COX6B1: variants seen among roughly 807,000 people sequenced by gnomAD.
The protein encoded by COX6B1 is COX VIb-1.
Under a neutral mutation model 14.0 loss-of-function variants are expected in COX6B1, and 2 were observed. That is an observed-to-expected ratio of 0.14 (90% CI 0.06 to 0.45). The LOEUF is 0.45. Ranked by LOEUF, COX6B1 falls within the 20% of genes least tolerant of loss-of-function variation. The probability of loss-of-function intolerance (pLI) is 0.98; values close to 1 mark genes in which losing one functional copy is unlikely to be tolerated. For missense variants in COX6B1, 81 were observed against 114.2 expected (o/e 0.71, Z 1.33); for synonymous variants, 30 against 39.7 (o/e 0.76, Z 0.92).
chr19:35,654,929 TACAC>T (rs1371450042), intron 3 of COX6B1, among the ~76,000 whole-genome samples: 4 of 152,124 alleles, frequency 2.6e-5, no homozygotes, highest in African/African-American at 9.7e-5. Flanking sequence ...ACTCTCCAAA[TACAC>T]ACTCAGCACT....
rs528706280 is a variant in COX6B1 at position 35,653,924 on chromosome 19, G to A, written c.107-647G>A. Reference sequence around the variant, plus strand: ...TCACCATGTTGTCCAGGCTGGTCTCGAACTCCTACCCTCAAGTGATCCACC... The same window carrying A: ...TCACCATGTTGTCCAGGCTGGTCTCAAACTCCTACCCTCAAGTGATCCACC... On this transcript the variant is annotated intron_variant, in intron 2 of 3. Coordinates refer to ENST00000649813, the MANE Select transcript of COX6B1 (RefSeq NM_001863.5). Among the ~76,000 whole-genome samples the A allele has an allele frequency of 2.6e-5, 4 of 151,252 alleles. No individual in the cohort carries two copies. The South Asian group carries it at 8.3e-4, about 32-fold the overall frequency.
intron 1 of COX6B1, chr19:35,648,815 G>C: frequency 1.9e-6 from 1 of 532,624 alleles, no homozygotes; most frequent in Non-Finnish European, 3.9e-6. Context: ...TGGCTCCCGG[G>C]TGTCCAGTCC....
At position 35,654,459 on chromosome 19, in the gene COX6B1, G is replaced by A. The variant is rs1967865292; in HGVS notation, c.107-112G>A. 4 of 861,942 alleles carry A rather than the reference G, an allele frequency of 4.6e-6. No individual in the cohort carries two copies. The East Asian group carries it at 9.9e-5, about 21-fold the overall frequency. The allele number at this position is 861,942 out of a possible 1,614,324, so 53.4% of individuals were successfully genotyped here. On this transcript the variant is annotated intron_variant, in intron 2 of 3. Coordinates refer to ENST00000649813, the MANE Select transcript of COX6B1 (RefSeq NM_001863.5). ...GGAGGTAGAGGTTGCAGTGAGCTGAGATCGCACCACTGCACTCCAGCCTGA... is the reference window on the plus strand; with the variant it reads ...GGAGGTAGAGGTTGCAGTGAGCTGAAATCGCACCACTGCACTCCAGCCTGA...
chr19:35,650,817 G>A (rs991226846), intron 1 of COX6B1, among the ~76,000 whole-genome samples: 7 of 151,682 alleles, frequency 4.6e-5, no homozygotes, highest in African/African-American at 7.3e-5. Flanking sequence ...TGCCAACAAC[G>A]GAGGCAGCCC....
chr19:35,657,538 C>A (rs371551096), intron 3 of COX6B1, among the ~76,000 whole-genome samples: 1 of 151,342 alleles, frequency 6.6e-6, no homozygotes, highest in Non-Finnish European at 1.5e-5. Context: ...AAAATGTGAG[C>A]GTGTATGTAT....
rs766303037 is a variant in COX6B1, at chr19:35,654,612, G to T, written c.148G>T (p.Asp50Tyr). ...CQKAMTAKGG[D>Y]ISVCEWYQRV... ...GAAGGCAATGACCGCTAAAGGAGGC[G>T]ATATCTCTGTGTGCGAATGGTACCA... Residue 50 changes from aspartate (D) to tyrosine (Y), a missense_variant, in exon 3 of 4, where the codon GAT becomes TAT. Physicochemically the swap from Asp to Tyr is radical, Grantham distance 160. Coordinates refer to ENST00000649813, the MANE Select transcript of COX6B1 (RefSeq NM_001863.5). 6.2e-7 allele frequency: 1 copy of T among 1,614,134 alleles called. No homozygotes were observed. Among genetic ancestry groups the T allele is most frequent in the Admixed American group, 1.7e-5 (1 of 60,012 alleles).
chr19:35,654,122 G>C (rs537654784), intron 2 of COX6B1, among the ~76,000 whole-genome samples: 36 of 152,312 alleles, frequency 2.4e-4, no homozygotes, highest in African/African-American at 6.5e-4. Context: ...CATATAGCTT[G>C]CTCATTTTCA....
chr19:35,650,085 C>T (rs1171071485), intron 1 of COX6B1, among the ~76,000 whole-genome samples: 1 of 151,790 alleles, frequency 6.6e-6, no homozygotes, highest in Non-Finnish European at 1.5e-5. Flanking sequence ...CTCACTACAA[C>T]CTCCGCCTCC....
intron 1 of COX6B1, among the ~76,000 whole-genome samples, chr19:35,650,096 TG>T (rs1247915544): frequency 6.6e-6 from 1 of 152,020 alleles, no homozygotes; most frequent in African/African-American, 2.4e-5. Flanking sequence ...CTCCGCCTCC[TG>T]GGTTTAAGCG....
rs1210522454 is a variant in COX6B1, at chr19:35,653,234, A to C, written c.107-1337A>C. On this transcript the variant is annotated intron_variant, in intron 2 of 3. Coordinates refer to ENST00000649813, the MANE Select transcript of COX6B1 (RefSeq NM_001863.5). ...GTGATCCACCCCCCTCAGCCTCCCA[A>C]AGTGCTGAGATTACAGGTGTAAGCC... 4.0e-5 allele frequency among the ~76,000 whole-genome samples: 6 copies of C among 150,436 alleles called. No homozygotes were observed. The East Asian group carries it at 1.2e-3, about 29-fold the overall frequency.
At chr19:35,651,003 T>C (rs1206214971) in intron 1 of COX6B1, among the ~76,000 whole-genome samples, 7 of 152,166 alleles carry the variant, frequency 4.6e-5, no homozygotes, top group Admixed American at 1.3e-4. Context: ...CTCATGTTAT[T>C]TGGGGACCAG....
chr19:35,658,313 C>A (rs1199719462), intron 3 of COX6B1, among the ~76,000 whole-genome samples: 1 of 152,100 alleles, frequency 6.6e-6, no homozygotes, highest in Non-Finnish European at 1.5e-5. Flanking sequence ...CAGGGCCCAC[C>A]CTTGGAGCTC....
chr19:35,649,824 G>A (rs1312552692), intron 1 of COX6B1, among the ~76,000 whole-genome samples: 1 of 151,542 alleles, frequency 6.6e-6, no homozygotes, highest in Non-Finnish European at 1.5e-5. Flanking sequence ...GTTTCACCAT[G>A]TTGCCCAGGC....
chr19:35,652,947 C>T lies in COX6B1; in HGVS notation c.106+1598C>T, dbSNP rs186387490. 7.3e-4 allele frequency among the ~76,000 whole-genome samples: 109 copies of T among 148,616 alleles called. 1 individual carries two copies. The highest frequency in any genetic ancestry group is 2.6e-3 in the African/African-American group (104 of 40,388). On this transcript the variant is annotated intron_variant, in intron 2 of 3. Coordinates refer to ENST00000649813, the MANE Select transcript of COX6B1 (RefSeq NM_001863.5). ...CTGAGTAGCTGGGAATACAGGCGCT[C>T]GCCACCACACCCAGCTAATTTTTTT...
chr19:35,648,389 C>T lies in COX6B1; in HGVS notation c.-26C>T, dbSNP rs960977208. ...GGTCACATTGAGCTGCAGGTTGAATCCGGGGTGCCTTTAGGTGAGTGTGGA... is the reference window on the plus strand; with the variant it reads ...GGTCACATTGAGCTGCAGGTTGAATTCGGGGTGCCTTTAGGTGAGTGTGGA... On this transcript the variant is annotated 5_prime_UTR_variant, in exon 1 of 4. Transcript: ENST00000649813. 1 of 158,480 alleles carries T rather than the reference C, an allele frequency of 6.3e-6. No individual in the cohort carries two copies. The highest frequency in any genetic ancestry group is 1.4e-5 in the Non-Finnish European group (1 of 71,288). 9.8% of individuals were successfully genotyped at this position (158,480 alleles called of 1,614,324 possible).
chr19:35,656,026 G>A (rs1284094159), intron 3 of COX6B1, among the ~76,000 whole-genome samples: 1 of 151,748 alleles, frequency 6.6e-6, no homozygotes, highest in Non-Finnish European at 1.5e-5. Context: ...ATGGGGTTTC[G>A]CCTTGTTGCC....
intron 2 of COX6B1, among the ~76,000 whole-genome samples, chr19:35,652,944 G>A (rs1177793139): frequency 1.1e-4 from 16 of 149,238 alleles, no homozygotes; most frequent in African/African-American, 3.7e-4. Flanking sequence ...GAATACAGGC[G>A]CTCGCCACCA....
intron 2 of COX6B1, 61 bp from the exon 3 acceptor site, chr19:35,654,510 A>G (rs931460625): frequency 1.6e-5 from 21 of 1,337,664 alleles, no homozygotes; most frequent in Middle Eastern, 1.9e-4. Flanking sequence ...CCTACCTCAA[A>G]AAAAAAAAAA....
chr19:35,654,524 G>A (rs1427082832), intron 2 of COX6B1, 47 bp from the exon 3 acceptor site: 9 of 1,422,208 alleles, frequency 6.3e-6, no homozygotes, highest in African/African-American at 1.4e-5. Flanking sequence ...AAAAAAAAAT[G>A]TGTTCCAACT....
Sources: gnomAD v4.1 joint callset for allele counts (sites outside exome capture counted in the v4.1 genomes callset) on GRCh38, gnomAD v4.1.1 for gene constraint, MANE v1.5 for transcripts, NCBI Gene and HGNC (gene_info 2026-07-23, HGNC 2026-07-21) for gene names.